Variants in CFAP77 observed in about 807,000 individuals in gnomAD.
The protein encoded by CFAP77 is cilia- and flagella-associated protein 77.
Under a neutral mutation model 31.1 loss-of-function variants are expected in CFAP77, and 25 were observed. That is an observed-to-expected ratio of 0.80 (90% CI 0.59 to 1.12). The LOEUF (loss-of-function observed/expected upper bound fraction) is 1.12. Ranked by LOEUF, CFAP77 falls within the 50% of genes most tolerant of loss-of-function variation. The pLI is 0.00. For synonymous variants in CFAP77, 151 were observed against 159.9 expected, an observed-to-expected ratio of 0.94 and a Z score of 0.42; for missense variants, 377 against 397.3, an observed-to-expected ratio of 0.95 and a Z score of 0.44.
chr9:132,486,585 T>C (rs1851562742), intron 1 of CFAP77, among the ~76,000 whole-genome samples: 1 of 152,228 alleles, frequency 6.6e-6, no homozygotes, highest in Admixed American at 6.5e-5. Flanking sequence ...AATCAAGGTA[T>C]TAGTTCCTTC....
intron 1 of CFAP77, among the ~76,000 whole-genome samples, chr9:132,452,964 T>C (rs1037793092): frequency 3.3e-5 from 5 of 152,220 alleles, no homozygotes; most frequent in Non-Finnish European, 5.9e-5. Context: ...GCAGAGTTAA[T>C]GGCAATAAAT....
intron 1 of CFAP77, among the ~76,000 whole-genome samples, chr9:132,434,770 AG>A (rs1850474777): frequency 2.6e-5 from 4 of 152,330 alleles, no homozygotes; most frequent in African/African-American, 7.2e-5. Context: ...AGGGGGGCAG[AG>A]GGATTGCTTC....
At chr9:132,496,535 A>G (rs149094608) in intron 1 of CFAP77, among the ~76,000 whole-genome samples, 77 of 152,326 alleles carry the variant, frequency 5.1e-4, no homozygotes, top group Admixed American at 1.7e-3. Context: ...CCACGAAGCT[A>G]CTTTCTGTCT....
chr9:132,431,022 C>G (rs1018332410), intron 1 of CFAP77, among the ~76,000 whole-genome samples: 9 of 152,126 alleles, frequency 5.9e-5, no homozygotes, highest in African/African-American at 2.2e-4. Flanking sequence ...GGTTGAAGAA[C>G]CAGAAGACAG....
Position 132,480,724 on chromosome 9 carries a change from A to T in CFAP77, c.196-17971A>T, listed in dbSNP as rs1851429976. Among the ~76,000 whole-genome samples the T allele has an allele frequency of 6.6e-6, 1 of 152,090 alleles. No individual in the cohort carries two copies. On this transcript the variant is annotated intron_variant, in intron 1 of 5. Coordinates refer to ENST00000393216, the MANE Select transcript of CFAP77 (RefSeq NM_001282957.2). The surrounding 1 kb of genome is among the most constrained non-coding windows in gnomAD (Gnocchi z 5.8). ...CCGGGGGCTTCTCCAAGGTGGTGAC[A>T]TTTCAGCTAGGAGTTAGCGGGGCCA... is the stretch of plus-strand genomic sequence containing the variant.
Position 132,497,834 on chromosome 9 carries a change from G to T in CFAP77, c.196-861G>T, listed in dbSNP as rs1454952186. Among the ~76,000 whole-genome samples, 1 of 152,160 alleles carries T rather than the reference G, an allele frequency of 6.6e-6. No homozygotes were observed. The highest frequency in any genetic ancestry group is 1.5e-5 in the Non-Finnish European group (1 of 68,030). ...GCCCACTGATGCAGCGGGTGCGATG[G>T]GGTTCGAAGCACTGTGCAGGACAGG... On this transcript the variant is annotated intron_variant, in intron 1 of 5. Coordinates refer to ENST00000393216, the MANE Select transcript of CFAP77 (RefSeq NM_001282957.2). The surrounding 1 kb of genome is among the most constrained non-coding windows in gnomAD (Gnocchi z 4.9).
At chr9:132,483,384 G>A (rs1433847644) in intron 1 of CFAP77, among the ~76,000 whole-genome samples, 1 of 152,188 alleles carries the variant, frequency 6.6e-6, no homozygotes, top group East Asian at 1.9e-4. Context: ...TGGCCACCCA[G>A]CTGGCTCAGG....
In CFAP77 at chr9:132,410,344, G is replaced by T; in HGVS notation, c.73G>T (p.Val25Phe). The change falls in exon 1 of 6, where the codon GTC (valine) becomes TTC (phenylalanine). Residue 25 changes from valine (V) to phenylalanine (F), a missense_variant. Physicochemically the swap from Val to Phe is conservative, Grantham distance 50. Coordinates refer to ENST00000393216, the MANE Select transcript of CFAP77 (RefSeq NM_001282957.2). ...GCAGCAGCAGCCTGTGCGCCGCACGGTCAGCCAGGTCTGCCCGCCCCCGCG... is the reference window on the plus strand; with the variant it reads ...GCAGCAGCAGCCTGTGCGCCGCACGTTCAGCCAGGTCTGCCCGCCCCCGCG... ...RKQQQPVRRT[V>F]SQVCPPPRRP... 2 of 1,597,794 alleles carry T rather than the reference G, an allele frequency of 1.3e-6. No individual in the cohort carries two copies. The highest frequency in any genetic ancestry group is 1.7e-6 in the Non-Finnish European group (2 of 1,173,542).
intron 3 of CFAP77, among the ~76,000 whole-genome samples, chr9:132,530,738 C>T (rs1042933182): frequency 4.6e-5 from 7 of 152,160 alleles, no homozygotes; most frequent in Non-Finnish European, 7.3e-5. Context: ...TCCTCTGAAC[C>T]GGATCTCCCA....
chr9:132,431,635 G>A (rs540033267), intron 1 of CFAP77, among the ~76,000 whole-genome samples: 1 of 152,264 alleles, frequency 6.6e-6, no homozygotes, highest in African/African-American at 2.4e-5. Flanking sequence ...AGATGACTCA[G>A]TGATCCTGAA....
chr9:132,546,563 G>A (rs908546017), intron 5 of CFAP77, among the ~76,000 whole-genome samples: 3 of 152,222 alleles, frequency 2.0e-5, no homozygotes, highest in African/African-American at 4.8e-5. Flanking sequence ...CACCGACACC[G>A]CCAGCCACGA....
At chr9:132,426,294 C>T (rs1850310418) in intron 1 of CFAP77, among the ~76,000 whole-genome samples, 1 of 152,162 alleles carries the variant, frequency 6.6e-6, no homozygotes, top group South Asian at 2.1e-4. Flanking sequence ...GAATGAGCAA[C>T]ATCATTTTTG....
chr9:132,519,642 AGATG>A (rs1170866405), intron 3 of CFAP77, among the ~76,000 whole-genome samples: 11,097 of 41,378 alleles, frequency 0.27, 1,331 homozygotes, highest in East Asian at 0.51. Flanking sequence ...GTGGATGGGC[AGATG>A]GATGGATGGA....
intron 5 of CFAP77, among the ~76,000 whole-genome samples, chr9:132,546,543 G>A (rs568739228): frequency 7.1e-4 from 108 of 152,376 alleles, no homozygotes; most frequent in African/African-American, 2.5e-3. Flanking sequence ...CAGGCAGGGC[G>A]CGGCTGCTGC....
chr9:132,562,103 G>T (rs752468605), intron 5 of CFAP77, among the ~76,000 whole-genome samples: 3 of 152,206 alleles, frequency 2.0e-5, no homozygotes, highest in African/African-American at 4.8e-5. Flanking sequence ...TGGCGGCTAC[G>T]GTTCCTGTGG....
intron 1 of CFAP77, among the ~76,000 whole-genome samples, chr9:132,433,334 A>T (rs1218388877): frequency 6.6e-6 from 1 of 152,044 alleles, no homozygotes; most frequent in Non-Finnish European, 1.5e-5. Flanking sequence ...CTCGTGTGTG[A>T]GCTCTTCTAG....
At chr9:132,438,526 T>A (rs1000582335) in intron 1 of CFAP77, among the ~76,000 whole-genome samples, 4 of 113,924 alleles carry the variant, frequency 3.5e-5, no homozygotes, top group Admixed American at 1.7e-4. Context: ...ATGGTATATA[T>A]ATATATATAT....
intron 3 of CFAP77, among the ~76,000 whole-genome samples, chr9:132,531,519 C>T (rs922189538): frequency 2.7e-5 from 4 of 149,002 alleles, no homozygotes; most frequent in African/African-American, 1.0e-4. Context: ...GCTTGGAAGA[C>T]GAGGTGGGGG....
intron 1 of CFAP77, among the ~76,000 whole-genome samples, chr9:132,440,272 G>A (rs889703050): frequency 2.0e-5 from 3 of 152,020 alleles, no homozygotes; most frequent in Admixed American, 6.6e-5. Flanking sequence ...AGGAGGACGC[G>A]GCTACAGTGA....
Sources: gnomAD v4.1 joint callset for allele counts (sites outside exome capture counted in the v4.1 genomes callset) on GRCh38, gnomAD v4.1.1 for gene constraint, Gnocchi (gnomAD v3.1) non-coding constraint, MANE v1.5 for transcripts, NCBI Gene and HGNC (gene_info 2026-07-23, HGNC 2026-07-21) for gene names.